MYO7B: variants seen among roughly 807,000 people sequenced by gnomAD.
The protein encoded by MYO7B is unconventional myosin-VIIb.
Under a neutral mutation model 259.7 loss-of-function variants are expected in MYO7B, and 212 were observed. The observed-to-expected ratio is 0.82, with a 90% CI of 0.73 to 0.91. The LOEUF is 0.91. MYO7B is among the 40% of genes least tolerant of loss of function. MYO7B has a pLI of 0.00. For synonymous variants in MYO7B, 1,197 were observed against 1,166.4 expected, an observed-to-expected ratio of 1.03 and a Z score of -0.54; for missense variants, 2,732 against 2,813.5, an observed-to-expected ratio of 0.97 and a Z score of 0.66.
At chr2:127,554,097 G>T (rs564023803) in intron 1 of MYO7B, among the ~76,000 whole-genome samples, 21 of 151,824 alleles carry the variant, frequency 1.4e-4, no homozygotes, top group Non-Finnish European at 2.4e-4. Flanking sequence ...ATTTTGAGAC[G>T]GAGTTTCATT....
Position 127,614,267 on chromosome 2 carries a change from AG to A in MYO7B, c.3398+1666del, listed in dbSNP as rs905149097. On this transcript the variant is annotated intron_variant, in intron 26 of 47. Coordinates refer to ENST00000409816, the MANE Select transcript of MYO7B (RefSeq NM_001393586.1). The surrounding 1 kb of genome is among the most constrained non-coding windows in gnomAD (Gnocchi z 4.6). ...TCCCTTGAGACTTCCTACTGACTCT[AG>A]GCTGAAGTGGAACATCCCACAGCCT... Among the ~76,000 whole-genome samples, 11 of 152,144 alleles carry A rather than the reference AG, an allele frequency of 7.2e-5. No homozygotes were observed. Among genetic ancestry groups the A allele is most frequent in the African/African-American group, 2.7e-4 (11 of 41,426 alleles).
rs151047211 is a variant in MYO7B at position 127,599,790 on chromosome 2, G to C, written c.2339+3234G>C. Among the ~76,000 whole-genome samples, 67 of 152,180 alleles carry C rather than the reference G, an allele frequency of 4.4e-4. 1 individual carries two copies. Among genetic ancestry groups the C allele is most frequent in the Admixed American group, 1.5e-3 (23 of 15,288 alleles). The stretch of plus-strand genomic sequence containing the variant: ...AATGATATGTGATTTTTCTTCTTTA[G>C]CCTTTCAATGTGGTGAGTTACGTTT... On this transcript the variant is annotated intron_variant, in intron 19 of 47. Transcript: ENST00000409816.
At chr2:127,537,467 T>C (rs1462793052) in intron 1 of MYO7B, among the ~76,000 whole-genome samples, 1 of 152,240 alleles carries the variant, frequency 6.6e-6, no homozygotes, top group Non-Finnish European at 1.5e-5. Context: ...GTGCCCATTC[T>C]TGGTCCACAT....
chr2:127,625,289 C>A, intron 30 of MYO7B, 79 bp from the exon 31 acceptor site: 1 of 1,407,820 alleles, frequency 7.1e-7, no homozygotes, highest in Non-Finnish European at 9.3e-7. Flanking sequence ...AGAGCCCGGC[C>A]ACGGGACAGG....
At chr2:127,547,987 C>T (rs80009505) in intron 1 of MYO7B, among the ~76,000 whole-genome samples, 4,366 of 152,232 alleles carry the variant, frequency 0.029, 218 homozygotes, top group African/African-American at 0.099. Context: ...ATCATTGATT[C>T]AGTTTCTCTA....
intron 41 of MYO7B, 137 bp from the exon 42 acceptor site, chr2:127,634,459 C>T (rs1681685430): frequency 4.5e-6 from 4 of 891,324 alleles, no homozygotes; most frequent in Non-Finnish European, 7.0e-6. Flanking sequence ...GCCAGCTCCA[C>T]ACGCCAATAG....
intron 3 of MYO7B, 91 bp downstream of exon 3, chr2:127,564,357 A>G (rs1321458706): frequency 7.6e-6 from 8 of 1,051,874 alleles, no homozygotes; most frequent in Non-Finnish European, 1.1e-5. Context: ...TCTCCCCAAC[A>G]CCAGGGGCTC....
At position 127,615,112 on chromosome 2, in the gene MYO7B, G is replaced by A. The variant is rs1286127659; in HGVS notation, c.3398+2509G>A. On this transcript the variant is annotated intron_variant, in intron 26 of 47. Transcript: ENST00000409816. The surrounding 1 kb of genome is among the most constrained non-coding windows in gnomAD (Gnocchi z 4.4). ...GAGGACCAGGAAATTCACAATGCCA[G>A]TGAATTTCCTGGTCCTAAGATGGAC... 6.6e-6 allele frequency among the ~76,000 whole-genome samples: 1 copy of A among 152,058 alleles called. No homozygotes were observed. The highest frequency in any genetic ancestry group is 1.5e-5 in the Non-Finnish European group (1 of 68,022).
chr2:127,617,982 C>T lies in MYO7B; in HGVS notation c.3399-2358C>T, dbSNP rs1052065204. ...TTTGCTAGTCCTTGCTAGTCTTTGT[C>T]TATCCCTATCTGTCCCTATAGTCCC... On this transcript the variant is annotated intron_variant, in intron 26 of 47. Coordinates refer to ENST00000409816, the MANE Select transcript of MYO7B (RefSeq NM_001393586.1). 7.3e-4 allele frequency among the ~76,000 whole-genome samples: 110 copies of T among 151,622 alleles called. 1 individual carries two copies. The highest frequency in any genetic ancestry group is 1.2e-3 in the Admixed American group (19 of 15,214).
At chr2:127,565,419 C>T (rs1349325016) in intron 4 of MYO7B, 34 bp downstream of exon 4, 3 of 1,608,534 alleles carry the variant, frequency 1.9e-6, no homozygotes, top group Admixed American at 3.3e-5. Flanking sequence ...CACAGGGGAG[C>T]CCCTCACAGG....
intron 19 of MYO7B, among the ~76,000 whole-genome samples, chr2:127,605,368 G>A (rs1680123478): frequency 6.6e-6 from 1 of 152,248 alleles, no homozygotes; most frequent in African/African-American, 2.4e-5. Context: ...GGCCGAGGTA[G>A]GTGGATCACT....
intron 2 of MYO7B, among the ~76,000 whole-genome samples, chr2:127,563,064 A>G (rs1358107405): frequency 6.6e-6 from 1 of 151,000 alleles, no homozygotes; most frequent in Non-Finnish European, 1.5e-5. Flanking sequence ...CATTTCCTCA[A>G]TTTTTTCATT....
intron 6 of MYO7B, 72 bp from the exon 7 acceptor site, chr2:127,573,848 C>CT: frequency 6.3e-7 from 1 of 1,586,866 alleles, no homozygotes. Context: ...GAGAAGCCCT[C>CT]TTACATGATC....
In MYO7B at chr2:127,636,494, G is replaced by A; in HGVS notation, c.6124-51G>A. The A allele has an allele frequency of 2.6e-6, 4 of 1,553,400 alleles. No individual in the cohort carries two copies. The South Asian group carries it at 4.6e-5, about 18-fold the overall frequency. On this transcript the variant is annotated intron_variant, in intron 45 of 47. Transcript: ENST00000409816. The surrounding 1 kb of genome is among the most constrained non-coding windows in gnomAD (Gnocchi z 4.5). ...TGGCCTAGATGAGCTCCTGGGAGGT[G>A]CAGCCTGGCCTCCCGGGCTGGACTA...
chr2:127,608,700 G>C lies in MYO7B; in HGVS notation c.2644-8G>C. ...CCCCTGGGTAACCTTCCTCCACGGGGTATGCAGGCGCCGCTGGTCATCCCG... is the reference window on the plus strand; with the variant it reads ...CCCCTGGGTAACCTTCCTCCACGGGCTATGCAGGCGCCGCTGGTCATCCCG... On this transcript the variant is annotated splice_polypyrimidine_tract_variant and splice_region_variant and intron_variant, in intron 21 of 47. Transcript: ENST00000409816. 1 of 1,608,942 alleles carries C rather than the reference G, an allele frequency of 6.2e-7. No individual in the cohort carries two copies. Among genetic ancestry groups the C allele is most frequent in the East Asian group, 2.2e-5 (1 of 44,752 alleles).
At chr2:127,617,976 C>T (rs919062068) in intron 26 of MYO7B, among the ~76,000 whole-genome samples, 9 of 151,464 alleles carry the variant, frequency 5.9e-5, no homozygotes, top group African/African-American at 1.9e-4. Context: ...CCTTGCTAGT[C>T]TTTGTCTATC....
Position 127,624,336 on chromosome 2 carries a change from G to A in MYO7B, c.4047+16G>A, listed in dbSNP as rs1681000087. The A allele has an allele frequency of 1.3e-6, 2 of 1,557,194 alleles. No homozygotes were observed. Among genetic ancestry groups the A allele is most frequent in the Admixed American group, 1.9e-5 (1 of 52,228 alleles). On this transcript the variant is annotated intron_variant, in intron 30 of 47. Transcript: ENST00000409816. Reference sequence around the variant, plus strand: ...CTTCGAGAAGGTGAGGGGCCTGAGAGCCAGGTCCACCCTAGGCTTTGCCAT... The same window carrying A: ...CTTCGAGAAGGTGAGGGGCCTGAGAACCAGGTCCACCCTAGGCTTTGCCAT...
In MYO7B at chr2:127,577,271, C is replaced by T. The variant is rs114218030; in HGVS notation, c.849+563C>T. Among the ~76,000 whole-genome samples the T allele has an allele frequency of 3.4e-3, 515 of 152,226 alleles. 2 individuals are homozygous for T. Among genetic ancestry groups the T allele is most frequent in the African/African-American group, 0.012 (491 of 41,534 alleles). On this transcript the variant is annotated intron_variant, in intron 8 of 47. Transcript: ENST00000409816. The surrounding 1 kb of genome is among the most constrained non-coding windows in gnomAD (Gnocchi z 5.2). Reference sequence around the variant, plus strand: ...CCTCTGGGATCTCTCCCATGCAACCCTCTCTCCTGGGTCCACTGCTCCAAG... The same window carrying T: ...CCTCTGGGATCTCTCCCATGCAACCTTCTCTCCTGGGTCCACTGCTCCAAG...
rs1469771975 is a variant in MYO7B at position 127,539,522 on chromosome 2, G to C, written c.-24+3691G>C. On this transcript the variant is annotated intron_variant, in intron 1 of 47. Coordinates refer to ENST00000409816, the MANE Select transcript of MYO7B (RefSeq NM_001393586.1). The surrounding 1 kb of genome is among the most constrained non-coding windows in gnomAD (Gnocchi z 4.0). ...ATTGGCTATAACAGGAAATTCAGGAGAGTTTTTAAAGAGCTATTTGTAGAA... is the reference window on the plus strand; with the variant it reads ...ATTGGCTATAACAGGAAATTCAGGACAGTTTTTAAAGAGCTATTTGTAGAA... Among the ~76,000 whole-genome samples the C allele has an allele frequency of 3.3e-5, 5 of 152,206 alleles. No homozygotes were observed. Among genetic ancestry groups the C allele is most frequent in the African/African-American group, 1.2e-4 (5 of 41,446 alleles).
Sources: allele counts gnomAD v4.1 joint callset (sites outside exome capture counted in the v4.1 genomes callset), GRCh38; gene constraint gnomAD v4.1.1; non-coding constraint Gnocchi (gnomAD v3.1); transcripts MANE v1.5; gene names NCBI Gene and HGNC (gene_info 2026-07-23, HGNC 2026-07-21).